Variants in PLXNC1 observed in about 807,000 individuals in gnomAD.
PLXNC1 encodes plexin-C1.
PLXNC1 carries 75 observed loss-of-function variants against 178.2 expected under a neutral mutation model. The ratio of observed to expected loss-of-function variants is 0.42; its 90% CI spans 0.35 to 0.51. PLXNC1 has a LOEUF of 0.51. Among genes scored for constraint, PLXNC1 ranks in the 20% least tolerant of loss-of-function variants. The pLI is 0.02. For synonymous variants in PLXNC1, 790 were observed against 779.9 expected (o/e 1.01, Z -0.22); for missense variants, 1,503 against 1,984.4 (o/e 0.76, Z 4.61).
intron 4 of PLXNC1, among the ~76,000 whole-genome samples, chr12:94,201,743 C>T (rs1354028927): frequency 7.2e-6 from 1 of 139,132 alleles, no homozygotes; most frequent in Non-Finnish European, 1.5e-5. Flanking sequence ...CTGCTCTTCC[C>T]ACTACTTTTT....
At chr12:94,227,117 T>C in intron 8 of PLXNC1, 32 bp from the exon 9 acceptor site, 1 of 1,330,634 alleles carries the variant, frequency 7.5e-7, no homozygotes, top group Non-Finnish European at 1.1e-6. Flanking sequence ...TTACCACCCA[T>C]CTGGATGTTG....
At chr12:94,189,496 T>A (rs902520693) in intron 4 of PLXNC1, among the ~76,000 whole-genome samples, 3 of 152,092 alleles carry the variant, frequency 2.0e-5, no homozygotes, top group African/African-American at 7.2e-5. Flanking sequence ...CTGGGCAACA[T>A]GGCAAAGACC....
chr12:94,196,662 A>G (rs562333279), intron 4 of PLXNC1, among the ~76,000 whole-genome samples: 1 of 152,346 alleles, frequency 6.6e-6, no homozygotes, highest in South Asian at 2.1e-4. Context: ...ACTGTTCCTC[A>G]TTCAGAAGGC....
chr12:94,242,028 G>A (rs963775381), intron 11 of PLXNC1, among the ~76,000 whole-genome samples: 1 of 151,282 alleles, frequency 6.6e-6, no homozygotes, highest in African/African-American at 2.4e-5. Context: ...AGAGAAAGAG[G>A]AAAAAAAGTA....
intron 23 of PLXNC1, among the ~76,000 whole-genome samples, chr12:94,288,360 T>A (rs1966908339): frequency 6.6e-6 from 1 of 152,126 alleles, no homozygotes; most frequent in Non-Finnish European, 1.5e-5. Flanking sequence ...ACAGGATCAC[T>A]CTTGAGTCTT....
At chr12:94,183,305 C>A (rs1021604977) in intron 3 of PLXNC1, among the ~76,000 whole-genome samples, 7 of 152,160 alleles carry the variant, frequency 4.6e-5, no homozygotes, top group African/African-American at 1.4e-4. Context: ...TCAAAATGAC[C>A]ACACTGAGAT....
At chr12:94,301,550 T>C (rs1394584606) in intron 28 of PLXNC1, among the ~76,000 whole-genome samples, 1 of 152,214 alleles carries the variant, frequency 6.6e-6, no homozygotes, top group East Asian at 1.9e-4. Flanking sequence ...TGCTGATCAA[T>C]AGTCCCAAGA....
chr12:94,212,329 G>A (rs1001423970), intron 5 of PLXNC1, among the ~76,000 whole-genome samples: 19 of 149,644 alleles, frequency 1.3e-4, no homozygotes, highest in African/African-American at 3.9e-4. Context: ...AATTATTATT[G>A]TTATTATTTA....
intron 23 of PLXNC1, among the ~76,000 whole-genome samples, chr12:94,287,667 T>C (rs1424836712): frequency 6.6e-6 from 1 of 152,174 alleles, no homozygotes; most frequent in African/African-American, 2.4e-5. Flanking sequence ...AATTTGTAAT[T>C]CAAAAGATAT....
intron 1 of PLXNC1, 31 bp downstream of exon 1, chr12:94,150,064 G>A: frequency 2.0e-6 from 3 of 1,513,312 alleles, no homozygotes; most frequent in Non-Finnish European, 2.7e-6. Context: ...GCCGCGGAGA[G>A]CGCTGCTGCC....
rs1467103377 is a variant in PLXNC1, at chr12:94,237,649, T to C, written c.1981-15T>C. On this transcript the variant is annotated splice_polypyrimidine_tract_variant and intron_variant, in intron 9 of 30. Transcript: ENST00000258526. ...TTAGCTTTGATCTCCTGTTTTAATC[T>C]TTTCTTTCCAATAGGTCTTCTACAT... 6.2e-7 allele frequency: 1 copy of C among 1,608,710 alleles called. No homozygotes were observed. The highest frequency in any genetic ancestry group is 1.3e-5 in the African/African-American group (1 of 74,676).
At chr12:94,224,902 T>C (rs1963896648) in intron 7 of PLXNC1, among the ~76,000 whole-genome samples, 1 of 152,126 alleles carries the variant, frequency 6.6e-6, no homozygotes, top group Non-Finnish European at 1.5e-5. Context: ...TGAGATTGTC[T>C]CAACAAAAAG....
chr12:94,306,403 C>G lies in PLXNC1; in HGVS notation c.*1118C>G, dbSNP rs1446156919. The G allele has an allele frequency of 6.6e-6, 1 of 151,926 alleles. No individual in the cohort carries two copies. The highest frequency in any genetic ancestry group is 1.5e-5 in the Non-Finnish European group (1 of 67,980). The allele number at this position is 151,926 out of a possible 1,614,324, so 9.4% of individuals were successfully genotyped here. On this transcript the variant is annotated 3_prime_UTR_variant, in exon 31 of 31. Coordinates refer to ENST00000258526, the MANE Select transcript of PLXNC1 (RefSeq NM_005761.3). ...TCGCAGGAGAAAGAATTTAAAATACCCATTTTATTCATGCCTTTCTTTTTA... is the reference window on the plus strand; with the variant it reads ...TCGCAGGAGAAAGAATTTAAAATACGCATTTTATTCATGCCTTTCTTTTTA...
intron 9 of PLXNC1, among the ~76,000 whole-genome samples, chr12:94,229,937 T>TAACAGAC (rs2136034915): frequency 6.6e-6 from 1 of 152,378 alleles, no homozygotes; most frequent in South Asian, 2.1e-4. Flanking sequence ...CAATAATACT[T>TAACAGAC]AATATCTTTT....
At chr12:94,200,056 C>T (rs3912394) in intron 4 of PLXNC1, among the ~76,000 whole-genome samples, 139,391 of 152,294 alleles carry the variant, frequency 0.92, 63,918 homozygotes, top group East Asian at 0.98. Flanking sequence ...GCCTCCCAAA[C>T]TGCTGGGATT....
In PLXNC1 at chr12:94,212,788, T is replaced by C. The variant is rs546796461; in HGVS notation, c.1554+3084T>C. On this transcript the variant is annotated intron_variant, in intron 5 of 30. Transcript: ENST00000258526. ...AGGCTGGAGTGCAGTGGCACGATCTTGGCTCACTGCAAGCTCCGCCTCCCA... is the reference window on the plus strand; with the variant it reads ...AGGCTGGAGTGCAGTGGCACGATCTCGGCTCACTGCAAGCTCCGCCTCCCA... 1.1e-3 allele frequency among the ~76,000 whole-genome samples: 164 copies of C among 151,532 alleles called. No individual in the cohort carries two copies. In the South Asian group the frequency reaches 0.016, roughly 15 times the overall value.
At chr12:94,257,924 T>TAAAG (rs1964898934) in intron 17 of PLXNC1, among the ~76,000 whole-genome samples, 1 of 121,848 alleles carries the variant, frequency 8.2e-6, no homozygotes, top group Non-Finnish European at 1.7e-5. Context: ...AAATAATAAA[T>TAAAG]AAATAAAAAG....
intron 5 of PLXNC1, among the ~76,000 whole-genome samples, chr12:94,211,597 T>C (rs1166668640): frequency 2.0e-5 from 3 of 152,246 alleles, no homozygotes; most frequent in African/African-American, 7.2e-5. Context: ...CTAGTCACTT[T>C]GTAGGCAGAG....
At chr12:94,216,348 A>G (rs1182706274) in intron 5 of PLXNC1, among the ~76,000 whole-genome samples, 1 of 152,226 alleles carries the variant, frequency 6.6e-6, no homozygotes, top group Non-Finnish European at 1.5e-5. Flanking sequence ...TAATGTAATA[A>G]CACTAAGAAA....
Sources: gnomAD v4.1 joint callset for allele counts (sites outside exome capture counted in the v4.1 genomes callset) on GRCh38, gnomAD v4.1.1 for gene constraint, MANE v1.5 for transcripts, NCBI Gene and HGNC (gene_info 2026-07-23, HGNC 2026-07-21) for gene names.